The following PDZRN4 variants were observed in gnomAD, a reference collection of about 807,000 sequenced individuals.
The protein encoded by PDZRN4 is PDZ domain containing ring finger 4.
In PDZRN4, 70 loss-of-function variants were observed where a neutral mutation model predicts 99.0. The ratio of observed to expected loss-of-function variants is 0.71; its 90% CI spans 0.58 to 0.86. PDZRN4 has a LOEUF of 0.86. Ranked by LOEUF, PDZRN4 falls within the 40% of genes least tolerant of loss-of-function variation. The pLI is 0.00. For synonymous variants in PDZRN4, 551 were observed against 501.6 expected (o/e 1.10, Z -1.32); for missense variants, 1,474 against 1,331.2 (o/e 1.11, Z -1.67).
Position 41,488,518 on chromosome 12 carries a change from T to C in PDZRN4, c.844-17938T>C, listed in dbSNP as rs955666030. Reference sequence around the variant, plus strand: ...GGGATCCTTGTCTTCTCAATCCTTGTCATATGGCCACTGCCATCAAAGAAT... The same window carrying C: ...GGGATCCTTGTCTTCTCAATCCTTGCCATATGGCCACTGCCATCAAAGAAT... On this transcript the variant is annotated intron_variant, in intron 3 of 9. Transcript: ENST00000402685. 2.6e-5 allele frequency among the ~76,000 whole-genome samples: 4 copies of C among 152,192 alleles called. No individual in the cohort carries two copies. In the East Asian group the frequency reaches 5.8e-4, roughly 22 times the overall value.
chr12:41,313,562 A>C (rs1951620767), intron 3 of PDZRN4, among the ~76,000 whole-genome samples: 1 of 151,926 alleles, frequency 6.6e-6, no homozygotes, highest in Non-Finnish European at 1.5e-5. Flanking sequence ...TTCCCTGAGA[A>C]CTCCACTTTT....
intron 3 of PDZRN4, among the ~76,000 whole-genome samples, chr12:41,466,097 A>C (rs998082452): frequency 1.3e-5 from 2 of 152,184 alleles, no homozygotes; most frequent in Admixed American, 1.3e-4. Context: ...GATCTTTAAT[A>C]AGCCATATTA....
intron 3 of PDZRN4, among the ~76,000 whole-genome samples, chr12:41,341,802 CATT>C (rs1248370926): frequency 6.6e-6 from 1 of 151,846 alleles, no homozygotes; most frequent in Non-Finnish European, 1.5e-5. Context: ...TTAATGCAAT[CATT>C]GTCAAAATAC....
At position 41,472,329 on chromosome 12, in the gene PDZRN4, T is replaced by C. The variant is rs199556765; in HGVS notation, c.844-34127T>C. On this transcript the variant is annotated intron_variant, in intron 3 of 9. Coordinates refer to ENST00000402685, the MANE Select transcript of PDZRN4 (RefSeq NM_001164595.2). ...TGTATTACTTATTAGAAAGACCAATTCCATTTGAAATATTTAATATCACAC... is the reference window on the plus strand; with the variant it reads ...TGTATTACTTATTAGAAAGACCAATCCCATTTGAAATATTTAATATCACAC... 2.6e-5 allele frequency among the ~76,000 whole-genome samples: 4 copies of C among 152,246 alleles called. No individual in the cohort carries two copies. The East Asian group carries it at 7.7e-4, about 29-fold the overall frequency.
chr12:41,247,764 T>A (rs1951142467), intron 3 of PDZRN4, among the ~76,000 whole-genome samples: 1 of 152,178 alleles, frequency 6.6e-6, no homozygotes. Flanking sequence ...ATTTAAAGAC[T>A]TTAAAAAAGA....
chr12:41,208,900 G>C (rs1950868415), intron 3 of PDZRN4, among the ~76,000 whole-genome samples: 1 of 151,672 alleles, frequency 6.6e-6, no homozygotes. Context: ...TTTTCCAGAA[G>C]TTTTACACAT....
intron 3 of PDZRN4, among the ~76,000 whole-genome samples, chr12:41,466,015 C>T (rs1205056288): frequency 4.6e-5 from 7 of 152,068 alleles, no homozygotes; most frequent in South Asian, 2.1e-4. Flanking sequence ...TAATACTATC[C>T]AAACTGCTTT....
chr12:41,341,570 G>A (rs892004951), intron 3 of PDZRN4, among the ~76,000 whole-genome samples: 4 of 151,178 alleles, frequency 2.6e-5, no homozygotes, highest in African/African-American at 9.7e-5. Context: ...TACCTTAAGA[G>A]GAAATCAATG....
At chr12:41,344,952 A>G (rs2121022754) in intron 3 of PDZRN4, among the ~76,000 whole-genome samples, 1 of 152,226 alleles carries the variant, frequency 6.6e-6, no homozygotes, top group Non-Finnish European at 1.5e-5. Flanking sequence ...GCAACTCATA[A>G]TGAATTAAAA....
At chr12:41,360,201 G>A (rs148500806) in intron 3 of PDZRN4, among the ~76,000 whole-genome samples, 58 of 152,054 alleles carry the variant, frequency 3.8e-4, no homozygotes, top group African/African-American at 1.4e-3. Context: ...TATGTTCATA[G>A]AGCTATTATG....
chr12:41,383,523 G>C (rs1427258525), intron 3 of PDZRN4, among the ~76,000 whole-genome samples: 1 of 152,160 alleles, frequency 6.6e-6, no homozygotes, highest in African/African-American at 2.4e-5. Context: ...ATGTTTCAAA[G>C]AACTTCAGAG....
intron 3 of PDZRN4, among the ~76,000 whole-genome samples, chr12:41,356,808 A>G (rs556478208): frequency 1.5e-4 from 23 of 152,086 alleles, no homozygotes; most frequent in South Asian, 6.2e-4. Flanking sequence ...TTGAACAACT[A>G]AAGGGAAGAA....
At chr12:41,302,706 T>G (rs1236779112) in intron 3 of PDZRN4, among the ~76,000 whole-genome samples, 2 of 152,148 alleles carry the variant, frequency 1.3e-5, no homozygotes, top group African/African-American at 4.8e-5. Flanking sequence ...TTCAATGAGA[T>G]GTCACAGCCT....
At chr12:41,519,682 C>T (rs1383713433) in intron 5 of PDZRN4, among the ~76,000 whole-genome samples, 1 of 152,024 alleles carries the variant, frequency 6.6e-6, no homozygotes, top group Non-Finnish European at 1.5e-5. Flanking sequence ...TCTTAGCCCA[C>T]CAAGTCTGGG....
At chr12:41,304,339 G>A (rs561386667) in intron 3 of PDZRN4, among the ~76,000 whole-genome samples, 45 of 152,164 alleles carry the variant, frequency 3.0e-4, no homozygotes, top group African/African-American at 1.1e-3. Flanking sequence ...CCTTGACTTA[G>A]TGCTTATCTA....
chr12:41,573,208 T>C lies in PDZRN4; in HGVS notation c.2429T>C (p.Val810Ala). ...QGCSAESKEKVLEGSKLPDQE... is the reference protein window; with the variant it reads ...QGCSAESKEKALEGSKLPDQE... ...TGTAGCGCTGAAAGCAAGGAGAAGG[T>C]TTTAGAAGGCAGCAAGCTTCCTGAT... Residue 810 changes from valine (V) to alanine (A), a missense_variant, in exon 10 of 10, where the codon GTT becomes GCT. Coordinates refer to ENST00000402685, the MANE Select transcript of PDZRN4 (RefSeq NM_001164595.2). The C allele has an allele frequency of 6.2e-7, 1 of 1,613,812 alleles. No individual in the cohort carries two copies. Among genetic ancestry groups the C allele is most frequent in the Non-Finnish European group, 8.5e-7 (1 of 1,179,952 alleles).
rs1053562237 is a variant in PDZRN4, at chr12:41,191,387, A to T, written c.649-71A>T. ...ATGTCAGTTAACTTACAGTACATAA[A>T]AACTTATTGTAGGATTTATTTTTCT... is the stretch of plus-strand genomic sequence containing the variant. On this transcript the variant is annotated intron_variant, in intron 1 of 9. Coordinates refer to ENST00000402685, the MANE Select transcript of PDZRN4 (RefSeq NM_001164595.2). 12 of 783,072 alleles carry T rather than the reference A, an allele frequency of 1.5e-5. No individual in the cohort carries two copies. In the African/African-American group the frequency reaches 2.1e-4, roughly 14 times the overall value. 48.5% of individuals were successfully genotyped at this position (783,072 alleles called of 1,614,324 possible). A position where few individuals can be genotyped will look rare whatever the true frequency, so the allele number is the denominator to read the frequency against.
intron 3 of PDZRN4, among the ~76,000 whole-genome samples, chr12:41,398,229 T>C (rs1052819890): frequency 6.6e-6 from 1 of 152,156 alleles, no homozygotes; most frequent in East Asian, 1.9e-4. Context: ...GAAGACTGGC[T>C]GGCATTGGGA....
At chr12:41,339,736 A>G (rs959917056) in intron 3 of PDZRN4, among the ~76,000 whole-genome samples, 1 of 152,140 alleles carries the variant, frequency 6.6e-6, no homozygotes, top group Non-Finnish European at 1.5e-5. Context: ...AAAAATATCT[A>G]ATAATCCAAT....
Sources: allele counts gnomAD v4.1 joint callset (sites outside exome capture counted in the v4.1 genomes callset), GRCh38; gene constraint gnomAD v4.1.1; transcripts MANE v1.5; gene names NCBI Gene and HGNC (gene_info 2026-07-23, HGNC 2026-07-21).